Variants in ZNF618 observed in about 807,000 individuals in gnomAD.
ZNF618 encodes neural precursor cell expressed, developmentally down-regulated 10.
Under a neutral mutation model 103.0 loss-of-function variants are expected in ZNF618, and 34 were observed. The observed-to-expected ratio is 0.33, with a 90% CI of 0.25 to 0.44. ZNF618 has a LOEUF of 0.44. Among genes scored for constraint, ZNF618 ranks in the 20% least tolerant of loss-of-function variants. The probability of loss-of-function intolerance (pLI) is 1.00; values close to 1 mark genes in which losing one functional copy is unlikely to be tolerated. For synonymous variants in ZNF618, 551 were observed against 542.2 expected (o/e 1.02, Z -0.23); for missense variants, 1,059 against 1,295.4 (o/e 0.82, Z 2.80).
chr9:114,032,848 G>GCACCACA lies in ZNF618; in HGVS notation c.1168+120_1168+121insCACCACA, dbSNP rs779126572. ...TTTGTGGTGCATTATGGATCTTGTT[G>GCACCACA]GGAGGAGGCTGGGAGCAGGGAATTA... On this transcript the variant is annotated intron_variant, in intron 12 of 14. Coordinates refer to ENST00000374126, the MANE Select transcript of ZNF618 (RefSeq NM_001318042.2). The GCACCACA allele has an allele frequency of 1.2e-3, 1,095 of 876,750 alleles. 16 individuals are homozygous for GCACCACA. The South Asian group carries it at 0.015, about 12-fold the overall frequency. 54.3% of individuals were successfully genotyped at this position (876,750 alleles called of 1,614,324 possible). A position where few individuals can be genotyped will look rare whatever the true frequency, so the allele number is the denominator to read the frequency against.
rs745408043 is a variant in ZNF618 at position 114,002,115 on chromosome 9, T to G, written c.511+42T>G. On this transcript the variant is annotated intron_variant, in intron 5 of 14. Transcript: ENST00000374126. ...TGGGGCAGAGCCCAGGGGCCGCACC[T>G]CCCACTGTCTGCCTGTTTCCCACTT... 1.9e-5 allele frequency: 30 copies of G among 1,571,242 alleles called. No homozygotes were observed. In the South Asian group the frequency reaches 3.3e-4, roughly 17 times the overall value.
intron 1 of ZNF618, among the ~76,000 whole-genome samples, chr9:113,931,553 A>C (rs890411279): frequency 2.6e-5 from 4 of 151,960 alleles, no homozygotes; most frequent in African/African-American, 7.3e-5. Context: ...GTGTCAGGGG[A>C]AGGTTTAGGT....
Position 113,879,629 on chromosome 9 carries a change from A to T in ZNF618, c.33+3216A>T, listed in dbSNP as rs1240315025. On this transcript the variant is annotated intron_variant, in intron 1 of 14. Coordinates refer to ENST00000374126, the MANE Select transcript of ZNF618 (RefSeq NM_001318042.2). Reference sequence around the variant, plus strand: ...TTATTAGCTCCTGTCTGTTCACCACATTCTCGTAGATTATTGGGCAAAATA... The same window carrying T: ...TTATTAGCTCCTGTCTGTTCACCACTTTCTCGTAGATTATTGGGCAAAATA... 4.6e-5 allele frequency among the ~76,000 whole-genome samples: 7 copies of T among 152,068 alleles called. No individual in the cohort carries two copies. In the East Asian group the frequency reaches 1.4e-3, roughly 29 times the overall value.
chr9:114,050,071 A>G lies in ZNF618; in HGVS notation c.2769A>G (p.Val923=). The change falls in exon 15 of 15, where the codon GTA becomes GTG. Residue 923 remains valine (V), a synonymous_variant. Transcript: ENST00000374126. ...CCGTGGGCGCCAGAAGCGGGTGTGT[A>G]AATATGTGTGAACAAGCGCTTCTAA... ...VPAVGARSGC[V]NMCEQALLIK... The G allele has an allele frequency of 2.5e-6, 4 of 1,613,418 alleles. No individual in the cohort carries two copies. Among genetic ancestry groups the G allele is most frequent in the Non-Finnish European group, 3.4e-6 (4 of 1,179,874 alleles).
intron 1 of ZNF618, among the ~76,000 whole-genome samples, chr9:113,907,578 A>C (rs1325605859): frequency 6.6e-6 from 1 of 152,206 alleles, no homozygotes; most frequent in East Asian, 1.9e-4. Flanking sequence ...ACCCAGGCCC[A>C]GCAGGCTGAG....
chr9:113,957,928 G>T (rs1007747433), intron 1 of ZNF618, among the ~76,000 whole-genome samples: 1 of 151,702 alleles, frequency 6.6e-6, no homozygotes, highest in Non-Finnish European at 1.5e-5. Flanking sequence ...GTTTATGGCT[G>T]ATCTGGTTTT....
Position 114,044,892 on chromosome 9 carries a change from A to T in ZNF618, c.1247-3001A>T, listed in dbSNP as rs113938357. ...TTAGTTCTCAGCTTGGTCACTGTTG[A>T]TGTATAGCAGTGCTACTGATTTGTG... On this transcript the variant is annotated intron_variant, in intron 13 of 14. Coordinates refer to ENST00000374126, the MANE Select transcript of ZNF618 (RefSeq NM_001318042.2). Among the ~76,000 whole-genome samples, 1,218 of 152,044 alleles carry T rather than the reference A, an allele frequency of 8.0e-3. 11 individuals carry two copies. Among genetic ancestry groups the T allele is most frequent in the African/African-American group, 0.025 (1,046 of 41,508 alleles).
intron 1 of ZNF618, among the ~76,000 whole-genome samples, chr9:113,918,300 G>C (rs1480591175): frequency 6.6e-6 from 1 of 152,174 alleles, no homozygotes. Flanking sequence ...ACTTAGTTAA[G>C]GTGGTGTCTG....
intron 11 of ZNF618, among the ~76,000 whole-genome samples, chr9:114,030,207 A>G (rs1843884487): frequency 1.3e-5 from 2 of 152,190 alleles, no homozygotes; most frequent in South Asian, 4.1e-4. Context: ...GATTCTTCGA[A>G]GATATGTTTA....
chr9:113,964,486 G>C (rs814697), intron 1 of ZNF618, among the ~76,000 whole-genome samples: 79,618 of 151,148 alleles, frequency 0.53, 21,467 homozygotes, highest in African/African-American at 0.63. Flanking sequence ...CACCCTCACC[G>C]CTTCCCGGGC....
At chr9:114,037,576 G>C (rs1181198444) in intron 13 of ZNF618, among the ~76,000 whole-genome samples, 1 of 152,290 alleles carries the variant, frequency 6.6e-6, no homozygotes, top group East Asian at 1.9e-4. Context: ...TGGGTGAGAC[G>C]TGCCTGACAT....
chr9:113,901,416 C>G (rs1344750484), intron 1 of ZNF618, among the ~76,000 whole-genome samples: 2 of 152,254 alleles, frequency 1.3e-5, no homozygotes, highest in Non-Finnish European at 2.9e-5. Context: ...CAGGGAACTG[C>G]TCTTGCGGCT....
At chr9:113,977,581 G>A (rs1343646175) in intron 2 of ZNF618, among the ~76,000 whole-genome samples, 1 of 152,194 alleles carries the variant, frequency 6.6e-6, no homozygotes, top group African/African-American at 2.4e-5. Flanking sequence ...ATACCTGTCT[G>A]TTGGGGATAT....
chr9:114,048,703 G>T lies in ZNF618; in HGVS notation c.1401G>T (p.Gln467His). ...PNSMIPEKER[Q>H]NIAERLLRVM... Reference sequence around the variant, plus strand: ...GCATGATCCCCGAAAAGGAGCGGCAGAACATCGCAGAGCGGCTGTTGAGGG... The same window carrying T: ...GCATGATCCCCGAAAAGGAGCGGCATAACATCGCAGAGCGGCTGTTGAGGG... The change falls in exon 15 of 15, where the codon CAG becomes CAT. Residue 467 changes from glutamine to histidine, a missense_variant. By Grantham distance (24) the Gln-to-His change is conservative (BLOSUM62 0). Transcript: ENST00000374126. 6.2e-7 allele frequency: 1 copy of T among 1,614,014 alleles called. No individual in the cohort carries two copies. The highest frequency in any genetic ancestry group is 8.5e-7 in the Non-Finnish European group (1 of 1,179,900).
intron 1 of ZNF618, among the ~76,000 whole-genome samples, chr9:113,916,052 T>C (rs1056248878): frequency 9.4e-5 from 14 of 148,608 alleles, no homozygotes; most frequent in Admixed American, 6.9e-4. Context: ...GGTGGGCCAT[T>C]CTGAGACATG....
chr9:113,957,975 A>G (rs976974960), intron 1 of ZNF618, among the ~76,000 whole-genome samples: 1 of 152,106 alleles, frequency 6.6e-6, no homozygotes, highest in Non-Finnish European at 1.5e-5. Context: ...AGTTTTCTGT[A>G]AAATCATAAA....
chr9:114,016,856 C>G (rs1431135770), intron 10 of ZNF618, 72 bp downstream of exon 10: 6 of 1,266,006 alleles, frequency 4.7e-6, no homozygotes, highest in Admixed American at 2.1e-5. Context: ...TTGGCCAGGC[C>G]TCTGGAATTT....
intron 1 of ZNF618, among the ~76,000 whole-genome samples, chr9:113,878,404 C>T (rs1002544767): frequency 6.6e-6 from 1 of 151,992 alleles, no homozygotes; most frequent in Non-Finnish European, 1.5e-5. Flanking sequence ...CCAAGGTTTG[C>T]CTTTGGAATA....
intron 1 of ZNF618, among the ~76,000 whole-genome samples, chr9:113,932,211 C>T (rs950130665): frequency 2.6e-5 from 4 of 152,226 alleles, no homozygotes; most frequent in Middle Eastern, 3.4e-3. Context: ...TAAACAGAGG[C>T]GTGCATGAAA....
Sources: gnomAD v4.1 joint callset for allele counts (sites outside exome capture counted in the v4.1 genomes callset) on GRCh38, gnomAD v4.1.1 for gene constraint, MANE v1.5 for transcripts, NCBI Gene and HGNC (gene_info 2026-07-23, HGNC 2026-07-21) for gene names.